The following STT3B variants were observed in gnomAD, a reference collection of about 807,000 sequenced individuals.
STT3B encodes the protein STT3 oligosaccharyltransferase complex catalytic subunit B, also known as dolichyl-diphosphooligosaccharide--protein glycosyltransferase subunit STT3B.
In STT3B, 29 loss-of-function variants were observed where a neutral mutation model predicts 96.8. That is an observed-to-expected ratio of 0.30 (90% confidence interval 0.22 to 0.41). STT3B has a LOEUF of 0.41. Among genes scored for constraint, STT3B ranks in the 10% least tolerant of loss-of-function variants. STT3B has a pLI of 1.00. For synonymous variants in STT3B, 367 were observed against 360.0 expected (o/e 1.02, Z -0.22); for missense variants, 640 against 1,022.3 (o/e 0.63, Z 5.10).
chr3:31,556,333 C>T (rs890904970), intron 1 of STT3B, among the ~76,000 whole-genome samples: 24 of 152,134 alleles, frequency 1.6e-4, no homozygotes, highest in East Asian at 5.8e-4. Flanking sequence ...TCTGCATCTT[C>T]GCTGTTGTGA....
chr3:31,542,590 G>A (rs150719500), intron 1 of STT3B, among the ~76,000 whole-genome samples: 4 of 152,248 alleles, frequency 2.6e-5, no homozygotes, highest in Admixed American at 1.3e-4. Flanking sequence ...GTGGGTATAC[G>A]TACTGTATCC....
intron 1 of STT3B, among the ~76,000 whole-genome samples, chr3:31,540,496 T>G (rs1366119904): frequency 1.3e-5 from 2 of 152,152 alleles, no homozygotes; most frequent in Non-Finnish European, 2.9e-5. Flanking sequence ...ACAGATTTAT[T>G]AGCTGTTCTC....
intron 5 of STT3B, among the ~76,000 whole-genome samples, chr3:31,611,508 A>C (rs928971522): frequency 3.9e-5 from 6 of 152,064 alleles, no homozygotes; most frequent in Non-Finnish European, 7.4e-5. Context: ...GTGTTTCTTT[A>C]TTTATTTTGA....
intron 1 of STT3B, among the ~76,000 whole-genome samples, chr3:31,557,713 A>C: frequency 6.6e-6 from 1 of 152,054 alleles, no homozygotes; most frequent in East Asian, 1.9e-4. Context: ...GCTCACTGCA[A>C]GCTCCGCCTC....
At chr3:31,558,771 T>C (rs1281645205) in intron 1 of STT3B, among the ~76,000 whole-genome samples, 1 of 152,124 alleles carries the variant, frequency 6.6e-6, no homozygotes, top group Non-Finnish European at 1.5e-5. Context: ...TTGGTAAAAT[T>C]TGACAGTGAA....
At chr3:31,542,164 G>A (rs1697290635) in intron 1 of STT3B, among the ~76,000 whole-genome samples, 1 of 152,156 alleles carries the variant, frequency 6.6e-6, no homozygotes, top group African/African-American at 2.4e-5. Context: ...CGTCTTTAAG[G>A]AGACAAATGA....
chr3:31,578,385 T>C (rs1156830614), intron 2 of STT3B, among the ~76,000 whole-genome samples: 1 of 152,152 alleles, frequency 6.6e-6, no homozygotes, highest in Non-Finnish European at 1.5e-5. Flanking sequence ...GAGAATACCC[T>C]ATCTTGAGCT....
chr3:31,633,256 T>C (rs1699697710), intron 15 of STT3B, 109 bp downstream of exon 15: 2 of 920,372 alleles, frequency 2.2e-6, no homozygotes, highest in Non-Finnish European at 1.6e-6. Flanking sequence ...TTATAAAGAC[T>C]ATGGCTTCTA....
chr3:31,592,694 A>G (rs917205011), intron 3 of STT3B, among the ~76,000 whole-genome samples: 6 of 152,154 alleles, frequency 3.9e-5, no homozygotes, highest in African/African-American at 9.7e-5. Flanking sequence ...AATGTTGAGC[A>G]TATTTTCATG....
At chr3:31,582,261 C>G (rs1698422877) in intron 3 of STT3B, among the ~76,000 whole-genome samples, 1 of 148,730 alleles carries the variant, frequency 6.7e-6, no homozygotes, top group Non-Finnish European at 1.5e-5. Context: ...TTTTGTCTTT[C>G]TGGAAGCTTT....
At chr3:31,625,844 C>T in intron 12 of STT3B, 110 bp from the exon 13 acceptor site, 1 of 1,027,860 alleles carries the variant, frequency 9.7e-7, no homozygotes, top group Non-Finnish European at 1.4e-6. Flanking sequence ...AAAAAAATTC[C>T]ATGTAAAACA....
At chr3:31,628,544 G>A (rs1699584083) in intron 13 of STT3B, among the ~76,000 whole-genome samples, 1 of 151,918 alleles carries the variant, frequency 6.6e-6, no homozygotes. Context: ...GTTAATTCCT[G>A]GAAAAGGAAT....
intron 1 of STT3B, among the ~76,000 whole-genome samples, chr3:31,548,868 G>A (rs1697480582): frequency 6.6e-6 from 1 of 152,084 alleles, no homozygotes; most frequent in Admixed American, 6.5e-5. Flanking sequence ...ACACTTCTAA[G>A]CAAAATAATC....
chr3:31,609,304 A>G (rs1419834862), intron 5 of STT3B, among the ~76,000 whole-genome samples: 2 of 152,162 alleles, frequency 1.3e-5, no homozygotes, highest in Admixed American at 1.3e-4. Context: ...TATGTTAGGT[A>G]TAGTCACTAC....
intron 5 of STT3B, among the ~76,000 whole-genome samples, chr3:31,601,982 GC>G (rs2125464295): frequency 6.6e-6 from 1 of 152,250 alleles, no homozygotes; most frequent in South Asian, 2.1e-4. Flanking sequence ...TAATGAGCCA[GC>G]TGTAGTAGCT....
At chr3:31,538,353 G>A (rs1470525413) in intron 1 of STT3B, among the ~76,000 whole-genome samples, 1 of 152,138 alleles carries the variant, frequency 6.6e-6, no homozygotes. Context: ...AGTGAAGTTA[G>A]GATCAGATTC....
At chr3:31,630,129 C>T (rs1454738595) in intron 14 of STT3B, among the ~76,000 whole-genome samples, 2 of 152,154 alleles carry the variant, frequency 1.3e-5, no homozygotes, top group Non-Finnish European at 2.9e-5. Context: ...GAATATGTCA[C>T]CCCAAAATAT....
intron 3 of STT3B, among the ~76,000 whole-genome samples, chr3:31,594,618 C>T (rs149710221): frequency 2.0e-5 from 3 of 151,798 alleles, no homozygotes; most frequent in Non-Finnish European, 4.4e-5. Context: ...TTAGTAGAGA[C>T]GGGGTTTCAT....
intron 1 of STT3B, among the ~76,000 whole-genome samples, chr3:31,536,951 CA>C (rs1286062750): frequency 6.6e-6 from 1 of 152,128 alleles, no homozygotes; most frequent in African/African-American, 2.4e-5. Flanking sequence ...TTATCTTGTT[CA>C]ATTGTGGTAG....
Sources: allele counts gnomAD v4.1 joint callset (sites outside exome capture counted in the v4.1 genomes callset), GRCh38; gene constraint gnomAD v4.1.1; transcripts MANE v1.5; gene names NCBI Gene and HGNC (gene_info 2026-07-23, HGNC 2026-07-21).